Variants in PRDM5 observed in about 807,000 individuals in gnomAD.
PRDM5 encodes PR/SET domain 5.
A neutral mutation model predicts 81.2 loss-of-function variants in PRDM5; 56 were observed. The observed-to-expected ratio is 0.69, with a 90% CI of 0.56 to 0.86. The LOEUF is 0.86. Among genes scored for constraint, PRDM5 ranks in the 40% least tolerant of loss-of-function variants. The probability of loss-of-function intolerance (pLI) is 0.00; values close to 1 mark genes in which losing one functional copy is unlikely to be tolerated. For missense variants in PRDM5, 697 were observed against 770.1 expected (o/e 0.91, Z 1.12); for synonymous variants, 267 against 256.4 (o/e 1.04, Z -0.39).
At chr4:120,806,192 T>TA (rs1752893021) in intron 8 of PRDM5, among the ~76,000 whole-genome samples, 1 of 151,992 alleles carries the variant, frequency 6.6e-6, no homozygotes, top group Admixed American at 6.6e-5. Context: ...CTCAGTGAAA[T>TA]AAAAGAGGAC....
intron 8 of PRDM5, among the ~76,000 whole-genome samples, chr4:120,802,957 GA>G (rs984740061): frequency 2.0e-5 from 3 of 152,032 alleles, no homozygotes; most frequent in African/African-American, 7.2e-5. Flanking sequence ...TAAAAACCTT[GA>G]AAAAAGATTA....
At chr4:120,922,343 C>T (rs1254869078) in intron 1 of PRDM5, among the ~76,000 whole-genome samples, 173 bp downstream of exon 1, 1 of 151,830 alleles carries the variant, frequency 6.6e-6, no homozygotes, top group Non-Finnish European at 1.5e-5. Flanking sequence ...CGAGTAAAGG[C>T]CACCCCCGCC....
intron 3 of PRDM5, among the ~76,000 whole-genome samples, chr4:120,822,650 T>C (rs954694435): frequency 1.3e-5 from 2 of 152,218 alleles, no homozygotes; most frequent in Non-Finnish European, 2.9e-5. Context: ...AGAGGGGCTA[T>C]ATTCAACATT....
chr4:120,733,267 C>T (rs930898087), intron 14 of PRDM5, among the ~76,000 whole-genome samples: 4 of 152,112 alleles, frequency 2.6e-5, no homozygotes, highest in African/African-American at 9.7e-5. Context: ...ACAATCAATC[C>T]TATCTTCCTG....
At chr4:120,725,541 G>A (rs939539785) in intron 14 of PRDM5, among the ~76,000 whole-genome samples, 45 of 152,202 alleles carry the variant, frequency 3.0e-4, no homozygotes, top group Admixed American at 4.6e-4. Context: ...TCAGTTCAGT[G>A]TGTTCCTTGA....
At position 120,705,019 on chromosome 4, in the gene PRDM5, C is replaced by T. The variant is rs1473316280; in HGVS notation, c.1728+5290G>A. ...ATGGTAATCATTTCAAGAAAGTGGA[C>T]GTATGTTTTGTAAGTGGTGGGAATT... On this transcript the variant is annotated intron_variant, in intron 15 of 15. Coordinates refer to ENST00000264808, the MANE Select transcript of PRDM5 (RefSeq NM_018699.4). Among the ~76,000 whole-genome samples the T allele has an allele frequency of 3.9e-5, 6 of 152,106 alleles. No homozygotes were observed. In the East Asian group the frequency reaches 7.8e-4, roughly 20 times the overall value.
chr4:120,872,566 C>A (rs1761939491), intron 2 of PRDM5, among the ~76,000 whole-genome samples: 1 of 152,206 alleles, frequency 6.6e-6, no homozygotes, highest in East Asian at 1.9e-4. Flanking sequence ...GTCTGGGCAA[C>A]ATACCCTAAT....
chr4:120,905,978 T>C (rs777310970), intron 2 of PRDM5, among the ~76,000 whole-genome samples: 26 of 152,232 alleles, frequency 1.7e-4, no homozygotes, highest in Non-Finnish European at 2.9e-4. Context: ...TCTTTTTCAA[T>C]TTCATTTGCT....
chr4:120,920,547 C>T (rs1724777981), intron 1 of PRDM5, among the ~76,000 whole-genome samples: 1 of 152,174 alleles, frequency 6.6e-6, no homozygotes, highest in Non-Finnish European at 1.5e-5. Context: ...TGCAGCCTCA[C>T]AATTCAGCTA....
intron 1 of PRDM5, among the ~76,000 whole-genome samples, chr4:120,917,198 C>T (rs1433008835): frequency 6.6e-6 from 1 of 152,190 alleles, no homozygotes. Flanking sequence ...TGTGCTTGGA[C>T]CACAACAGGC....
intron 11 of PRDM5, 35 bp downstream of exon 11, chr4:120,784,963 T>C: frequency 6.7e-7 from 1 of 1,487,688 alleles, no homozygotes; most frequent in Non-Finnish European, 9.4e-7. Context: ...ATGAGATAAT[T>C]CCTTATATTC....
chr4:120,871,096 T>C (rs1484601102), intron 2 of PRDM5, among the ~76,000 whole-genome samples: 1 of 152,210 alleles, frequency 6.6e-6, no homozygotes, highest in Admixed American at 6.5e-5. Context: ...CTCTCTAGGC[T>C]GTGAATCAGC....
At chr4:120,777,143 T>G in intron 13 of PRDM5, 45 bp downstream of exon 13, 1 of 1,612,728 alleles carries the variant, frequency 6.2e-7, no homozygotes, top group South Asian at 1.1e-5. Context: ...AAGCATGTGA[T>G]TTCTCTAAGT....
At chr4:120,859,941 T>G (rs1228549902) in intron 2 of PRDM5, among the ~76,000 whole-genome samples, 1 of 152,170 alleles carries the variant, frequency 6.6e-6, no homozygotes, top group Non-Finnish European at 1.5e-5. Flanking sequence ...CCTCCTAACA[T>G]GGGACAGAAT....
At chr4:120,764,233 G>T (rs1410705170) in intron 13 of PRDM5, among the ~76,000 whole-genome samples, 2 of 152,208 alleles carry the variant, frequency 1.3e-5, no homozygotes, top group Admixed American at 6.5e-5. Context: ...ATAAAAAAAA[G>T]AAGAAATGAT....
intron 14 of PRDM5, among the ~76,000 whole-genome samples, chr4:120,740,294 A>G (rs1741724170): frequency 6.6e-6 from 1 of 152,230 alleles, no homozygotes; most frequent in African/African-American, 2.4e-5. Flanking sequence ...GAAATTCTAA[A>G]AATGTTAAAT....
At chr4:120,905,719 T>G (rs1765725575) in intron 2 of PRDM5, among the ~76,000 whole-genome samples, 3 of 152,164 alleles carry the variant, frequency 2.0e-5, no homozygotes, top group Non-Finnish European at 4.4e-5. Flanking sequence ...CTTGGTTCTA[T>G]TTCTCTGAAG....
intron 14 of PRDM5, among the ~76,000 whole-genome samples, chr4:120,712,416 T>G (rs1737139481): frequency 6.6e-6 from 1 of 152,180 alleles, no homozygotes; most frequent in African/African-American, 2.4e-5. Context: ...AAAAACAGTA[T>G]GTAAATAACC....
In PRDM5 at chr4:120,922,503, CCGG is replaced by C. The variant is rs773523380; in HGVS notation, c.93+10_93+12del. Reference sequence around the variant, plus strand: ...AGGTGCAGGGGCGCGCAGGCCGCCGCCGGGTCACCCACCTTTCGCACTCTGCGG... The same window carrying C: ...AGGTGCAGGGGCGCGCAGGCCGCCGCGTCACCCACCTTTCGCACTCTGCGG... On this transcript the variant is annotated intron_variant, in intron 1 of 15. Transcript: ENST00000264808. 15 of 1,590,102 alleles carry C rather than the reference CCGG, an allele frequency of 9.4e-6. No individual in the cohort carries two copies. The highest frequency in any genetic ancestry group is 1.3e-5 in the Non-Finnish European group (15 of 1,169,776).
Sources: allele counts gnomAD v4.1 joint callset (sites outside exome capture counted in the v4.1 genomes callset), GRCh38; gene constraint gnomAD v4.1.1; transcripts MANE v1.5; gene names NCBI Gene and HGNC (gene_info 2026-07-23, HGNC 2026-07-21).